Variants in PPIP5K2 observed in about 807,000 individuals in gnomAD.
PPIP5K2 encodes the protein inositol hexakisphosphate and diphosphoinositol-pentakisphosphate kinase 2.
A neutral mutation model predicts 154.6 loss-of-function variants in PPIP5K2; 105 were observed. That is an observed-to-expected ratio of 0.68 (90% confidence interval 0.58 to 0.80). The LOEUF is 0.80. Ranked by LOEUF, PPIP5K2 falls within the 30% of genes least tolerant of loss-of-function variation. PPIP5K2 has a pLI of 0.00. For synonymous variants in PPIP5K2, 480 were observed against 490.3 expected, an observed-to-expected ratio of 0.98 and a Z score of 0.28; for missense variants, 992 against 1,504.6, an observed-to-expected ratio of 0.66 and a Z score of 5.64.
chr5:103,138,291 G>T, intron 4 of PPIP5K2, 93 bp from the exon 5 acceptor site: 1 of 651,350 alleles, frequency 1.5e-6, no homozygotes, highest in Non-Finnish European at 2.4e-6. Context: ...TTTAGTTATA[G>T]AACAACAATA....
chr5:103,131,983 A>G (rs1790698915), intron 2 of PPIP5K2, among the ~76,000 whole-genome samples: 1 of 152,212 alleles, frequency 6.6e-6, no homozygotes, highest in South Asian at 2.1e-4. Flanking sequence ...TTGTAAAGCA[A>G]TGTGAAATGT....
At chr5:103,124,297 T>C in intron 1 of PPIP5K2, among the ~76,000 whole-genome samples, 2 of 144,186 alleles carry the variant, frequency 1.4e-5, no homozygotes, top group South Asian at 2.2e-4. Context: ...AAAAAAAATC[T>C]CCTCTTGTAC....
rs1554222141 is a variant in PPIP5K2 at position 103,180,117 on chromosome 5, A to G, written c.2851A>G (p.Met951Val). 13 of 1,605,698 alleles carry G rather than the reference A, an allele frequency of 8.1e-6. No homozygotes were observed. Among genetic ancestry groups the G allele is most frequent in the Non-Finnish European group, 1.1e-5 (13 of 1,176,760 alleles). ...TCGAGCTGTGATATTGTTTAAACCAATGGTATCAGAGCCAATTCATATACA... is the reference window on the plus strand; with the variant it reads ...TCGAGCTGTGATATTGTTTAAACCAGTGGTATCAGAGCCAATTCATATACA... Reference protein sequence around the residue: ...VDRAVILFKPMVSEPIHIHRK... With the variant: ...VDRAVILFKPVVSEPIHIHRK... Residue 951 changes from methionine to valine, a missense_variant, in exon 24 of 31, where the codon ATG becomes GTG. Met to Val is a conservative substitution (Grantham distance 21). Coordinates refer to ENST00000358359, the MANE Select transcript of PPIP5K2 (RefSeq NM_001276277.3).
At chr5:103,174,383 G>T (rs2149708344) in intron 21 of PPIP5K2, among the ~76,000 whole-genome samples, 1 of 152,142 alleles carries the variant, frequency 6.6e-6, no homozygotes, top group South Asian at 2.1e-4. Flanking sequence ...AACAACCACA[G>T]TCATTTCATT....
intron 1 of PPIP5K2, among the ~76,000 whole-genome samples, chr5:103,123,804 T>C (rs1253046698): frequency 6.6e-6 from 1 of 152,236 alleles, no homozygotes. Context: ...GATATTTGAA[T>C]AATGTATGTA....
chr5:103,162,361 T>A (rs370915558), intron 17 of PPIP5K2, among the ~76,000 whole-genome samples: 1 of 151,176 alleles, frequency 6.6e-6, no homozygotes, highest in Non-Finnish European at 1.5e-5. Flanking sequence ...TTTTTTTTTT[T>A]TTTGTTTTTT....
chr5:103,151,855 T>G (rs916003214), intron 9 of PPIP5K2, among the ~76,000 whole-genome samples: 4 of 152,076 alleles, frequency 2.6e-5, no homozygotes, highest in Non-Finnish European at 5.9e-5. Flanking sequence ...AAAAAATTAT[T>G]GTAGGTAGAA....
intron 5 of PPIP5K2, among the ~76,000 whole-genome samples, chr5:103,145,661 C>G (rs576000671): frequency 6.6e-6 from 1 of 150,564 alleles, no homozygotes; most frequent in Non-Finnish European, 1.5e-5. Context: ...CATGTTTTCA[C>G]GTGTGGGAGC....
At chr5:103,130,072 A>G (rs1010555489) in intron 2 of PPIP5K2, among the ~76,000 whole-genome samples, 56 of 152,188 alleles carry the variant, frequency 3.7e-4, no homozygotes, top group Non-Finnish European at 3.4e-4. Flanking sequence ...CAAAAGAAGA[A>G]GGATTACTTA....
rs1341020674 is a variant in PPIP5K2 at position 103,135,020 on chromosome 5, T to C, written c.310+1372T>C. 2.6e-5 allele frequency among the ~76,000 whole-genome samples: 4 copies of C among 152,234 alleles called. No homozygotes were observed. In the East Asian group the frequency reaches 7.7e-4, roughly 29 times the overall value. ...TTAATACTTTTTCTCTTAACTATTC[T>C]GGTAGTACTATAAAATATAGTCTCT... On this transcript the variant is annotated intron_variant, in intron 3 of 30. Coordinates refer to ENST00000358359, the MANE Select transcript of PPIP5K2 (RefSeq NM_001276277.3).
At chr5:103,183,896 C>T (rs1799960974) in intron 25 of PPIP5K2, among the ~76,000 whole-genome samples, 1 of 151,972 alleles carries the variant, frequency 6.6e-6, no homozygotes, top group Admixed American at 6.6e-5. Context: ...CAGGATATAT[C>T]GAATATTGAT....
chr5:103,148,060 T>G lies in PPIP5K2; in HGVS notation c.744+28T>G, dbSNP rs1794022898. 3 of 1,451,196 alleles carry G rather than the reference T, an allele frequency of 2.1e-6. No individual in the cohort carries two copies. In the African/African-American group the frequency reaches 4.3e-5, roughly 21 times the overall value. The allele number at this position is 1,451,196 out of a possible 1,614,324, so 89.9% of individuals were successfully genotyped here. On this transcript the variant is annotated intron_variant, in intron 7 of 30. Coordinates refer to ENST00000358359, the MANE Select transcript of PPIP5K2 (RefSeq NM_001276277.3). ...AGGATTGATTAAAATAGATTTTAGT[T>G]TTATATTTCAAGTTTACCAATGATA...
chr5:103,163,181 T>C (rs1008938758), intron 17 of PPIP5K2, among the ~76,000 whole-genome samples: 9 of 151,458 alleles, frequency 5.9e-5, no homozygotes, highest in Admixed American at 2.0e-4. Flanking sequence ...TTGTATGATA[T>C]CTGTAGTTTG....
intron 21 of PPIP5K2, chr5:103,176,807 T>C: frequency 1.0e-6 from 1 of 998,414 alleles, no homozygotes; most frequent in Non-Finnish European, 1.4e-6. Flanking sequence ...TGAATGCTTG[T>C]AGTACATGTT....
chr5:103,201,273 A>G (rs1054084988), intron 30 of PPIP5K2, among the ~76,000 whole-genome samples: 2 of 152,234 alleles, frequency 1.3e-5, no homozygotes, highest in African/African-American at 4.8e-5. Flanking sequence ...AAATATATTC[A>G]TTTCCTAGGA....
At chr5:103,198,668 A>G (rs1316153351) in intron 30 of PPIP5K2, among the ~76,000 whole-genome samples, 1 of 152,102 alleles carries the variant, frequency 6.6e-6, no homozygotes, top group Non-Finnish European at 1.5e-5. Flanking sequence ...TTTAATTTCC[A>G]GTAATGTTTT....
intron 17 of PPIP5K2, among the ~76,000 whole-genome samples, chr5:103,163,392 G>A (rs1554216746): frequency 6.6e-6 from 1 of 151,636 alleles, no homozygotes; most frequent in African/African-American, 2.4e-5. Context: ...ATTCTCTGTT[G>A]TTGCTATATA....
In PPIP5K2 at chr5:103,183,224, T is replaced by G. The variant is rs782152431; in HGVS notation, c.2923-10T>G. ...TTTTTTTTTTTTTTTGCCCCCTTTC[T>G]CACTTCCAGGAAGAGAGCCCCCTGA... On this transcript the variant is annotated splice_polypyrimidine_tract_variant and intron_variant, in intron 24 of 30. Transcript: ENST00000358359. The G allele has an allele frequency of 1.2e-5, 3 of 258,944 alleles. No individual in the cohort carries two copies. The highest frequency in any genetic ancestry group is 9.0e-5 in the Admixed American group (2 of 22,120). The allele number at this position is 258,944 out of a possible 1,614,324, so 16.0% of individuals were successfully genotyped here. A position where few individuals can be genotyped will look rare whatever the true frequency, so the allele number is the denominator to read the frequency against.
At chr5:103,172,479 C>T (rs575424173) in intron 19 of PPIP5K2, among the ~76,000 whole-genome samples, 2 of 151,178 alleles carry the variant, frequency 1.3e-5, no homozygotes, top group East Asian at 3.9e-4. Context: ...CTTCCCTTTT[C>T]TCCCTCTTTC....
Sources: gnomAD v4.1 joint callset for allele counts (sites outside exome capture counted in the v4.1 genomes callset) on GRCh38, gnomAD v4.1.1 for gene constraint, MANE v1.5 for transcripts, NCBI Gene and HGNC (gene_info 2026-07-23, HGNC 2026-07-21) for gene names.